The following LIMS1 variants were observed in gnomAD, a reference collection of about 807,000 sequenced individuals.
LIMS1 encodes LIM zinc finger domain containing 1, also known as LIM and senescent cell antigen-like-containing domain protein 1.
LIMS1 carries 18 observed loss-of-function variants against 44.1 expected under a neutral mutation model. That is an observed-to-expected ratio of 0.41 (90% confidence interval 0.28 to 0.61). LIMS1 has a LOEUF of 0.61. Among genes scored for constraint, LIMS1 ranks in the 20% least tolerant of loss-of-function variants. LIMS1 has a pLI of 0.32. For synonymous variants in LIMS1, 93 were observed against 149.1 expected, an observed-to-expected ratio of 0.62 and a Z score of 2.74; for missense variants, 201 against 422.0, an observed-to-expected ratio of 0.48 and a Z score of 4.59.
intron 9 of LIMS1, chr2:108,681,216 C>A (rs1252870540): frequency 3.2e-6 from 4 of 1,252,314 alleles, no homozygotes; most frequent in South Asian, 3.7e-5. Flanking sequence ...TTCTTCCCCC[C>A]CTGCAACTTT....
At chr2:108,637,099 ATGTGTG>A (rs74315160) in intron 1 of LIMS1, among the ~76,000 whole-genome samples, 5,450 of 98,484 alleles carry the variant, frequency 0.055, 129 homozygotes, top group South Asian at 0.086. Flanking sequence ...ATATACATAT[ATGTGTG>A]TGTGTGTGTG....
intron 1 of LIMS1, among the ~76,000 whole-genome samples, chr2:108,581,950 A>G (rs961307364): frequency 4.6e-5 from 7 of 150,748 alleles, no homozygotes; most frequent in Non-Finnish European, 8.9e-5. Flanking sequence ...AAAAAAAAAA[A>G]ACAAACAAAA....
exon 6 of LIMS1, chr2:108,676,005 A>G (rs529163763): frequency 4.3e-6 from 7 of 1,613,930 alleles, no homozygotes; most frequent in South Asian, 1.1e-5. Context: ...GGTGAACGCT[A>G]TGGGCAAGCA....
chr2:108,538,510 A>C (rs969440080), intron 1 of LIMS1, among the ~76,000 whole-genome samples: 4 of 152,204 alleles, frequency 2.6e-5, no homozygotes, highest in Non-Finnish European at 5.9e-5. Context: ...TGTGCTTGGC[A>C]GTGGGAGGCA....
intron 1 of LIMS1, among the ~76,000 whole-genome samples, chr2:108,595,373 T>A (rs1464878738): frequency 6.6e-6 from 1 of 152,170 alleles, no homozygotes; most frequent in African/African-American, 2.4e-5. Flanking sequence ...ACAAACTACC[T>A]TATATGGGAA....
intron 1 of LIMS1, among the ~76,000 whole-genome samples, chr2:108,612,854 T>A (rs181472648): frequency 3.7e-4 from 56 of 152,270 alleles, no homozygotes; most frequent in Non-Finnish European, 4.4e-5. Context: ...CCTGCGCCTG[T>A]CATGCACCCA....
At chr2:108,640,775 A>G (rs887427476) in intron 1 of LIMS1, among the ~76,000 whole-genome samples, 5 of 152,186 alleles carry the variant, frequency 3.3e-5, no homozygotes, top group African/African-American at 1.2e-4. Context: ...AACATTTATC[A>G]TTTCCTTGAG....
chr2:108,571,948 A>T lies in LIMS1; in HGVS notation c.32+37354A>T, dbSNP rs535561795. Among the ~76,000 whole-genome samples, 295 of 152,312 alleles carry T rather than the reference A, an allele frequency of 1.9e-3. 1 individual carries two copies. The highest frequency in any genetic ancestry group is 5.4e-3 in the Admixed American group (83 of 15,300). Reference sequence around the variant, plus strand: ...AACAGCTGTCTCTAAGCCAGGAACCATGGGCCCTTATATTTTAAAAAGGAT... The same window carrying T: ...AACAGCTGTCTCTAAGCCAGGAACCTTGGGCCCTTATATTTTAAAAAGGAT... On this transcript the variant is annotated intron_variant, in intron 1 of 9. Transcript: ENST00000544547.
intron 5 of LIMS1, among the ~76,000 whole-genome samples, chr2:108,674,719 C>CAAAA (rs59992301): frequency 4.6e-5 from 2 of 43,766 alleles, no homozygotes; most frequent in Admixed American, 7.1e-4. Context: ...AGACTCGTCT[C>CAAAA]AAAAAAAAAA....
At chr2:108,645,246 A>G (rs1182728850) in intron 1 of LIMS1, among the ~76,000 whole-genome samples, 1 of 152,192 alleles carries the variant, frequency 6.6e-6, no homozygotes, top group African/African-American at 2.4e-5. Flanking sequence ...AACCAGAGAG[A>G]AAGGTTGGGT....
At chr2:108,563,125 A>G (rs1206991308) in intron 1 of LIMS1, among the ~76,000 whole-genome samples, 2 of 152,234 alleles carry the variant, frequency 1.3e-5, no homozygotes. Context: ...ATTCCTTTTA[A>G]AACATTGTTC....
upstream of LIMS1, chr2:108,533,808 G>C (rs1449630343): frequency 6.6e-6 from 1 of 152,436 alleles, no homozygotes; most frequent in Non-Finnish European, 1.5e-5. Flanking sequence ...CTCCAAGAAA[G>C]GTTAACTTTT....
intron 1 of LIMS1, among the ~76,000 whole-genome samples, chr2:108,608,398 C>T (rs990290737): frequency 1.3e-5 from 2 of 151,724 alleles, no homozygotes; most frequent in Admixed American, 6.6e-5. Context: ...CTCCGCCTCC[C>T]GGGTTCAAGC....
intron 1 of LIMS1, among the ~76,000 whole-genome samples, chr2:108,582,947 C>G (rs531842889): frequency 8.1e-4 from 123 of 151,970 alleles, no homozygotes; most frequent in African/African-American, 2.9e-3. Flanking sequence ...ACATTTTGCC[C>G]TTAATTGTTC....
At chr2:108,559,681 C>T (rs946088533) in intron 1 of LIMS1, among the ~76,000 whole-genome samples, 4 of 152,128 alleles carry the variant, frequency 2.6e-5, no homozygotes, top group Non-Finnish European at 4.4e-5. Context: ...ATTCTGTCTT[C>T]GATGTGCTTG....
Position 108,680,969 on chromosome 2 carries a change from G to A in LIMS1, c.899+199G>A, listed in dbSNP as rs560585558. ...TATTCCTTCTTTGTCCTACTCAAAG[G>A]GATAAGTTTGTTGAAATTGACCTAA... is the stretch of plus-strand genomic sequence containing the variant. On this transcript the variant is annotated intron_variant, in intron 9 of 9. Coordinates refer to ENST00000544547, the Ensembl canonical transcript of LIMS1. The A allele has an allele frequency of 6.1e-3, 7,851 of 1,284,254 alleles. 58 individuals carry two copies. Among genetic ancestry groups the A allele is most frequent in the Non-Finnish European group, 6.2e-3 (6,092 of 989,656 alleles). 79.6% of individuals were successfully genotyped at this position (1,284,254 alleles called of 1,614,324 possible).
At chr2:108,543,301 C>T (rs747737978) in intron 1 of LIMS1, among the ~76,000 whole-genome samples, 9 of 152,122 alleles carry the variant, frequency 5.9e-5, no homozygotes, top group African/African-American at 9.7e-5. Flanking sequence ...CATGGTGGCA[C>T]GTGCCCGTAG....
At chr2:108,547,557 A>G (rs1306416078) in intron 1 of LIMS1, among the ~76,000 whole-genome samples, 1 of 152,130 alleles carries the variant, frequency 6.6e-6, no homozygotes. Context: ...TGTCCAGTTG[A>G]GATTTGTTCT....
Position 108,600,396 on chromosome 2 carries a change from G to T in LIMS1, c.33-59209G>T, listed in dbSNP as rs370582199. Among the ~76,000 whole-genome samples, 7 of 151,982 alleles carry T rather than the reference G, an allele frequency of 4.6e-5. No individual in the cohort carries two copies. The South Asian group carries it at 1.5e-3, about 32-fold the overall frequency. The stretch of plus-strand genomic sequence containing the variant: ...AATGTGATCCCATTTGTGCATTTTT[G>T]CTTTGGTTGCCTGTGCTTGTGGGGT... On this transcript the variant is annotated intron_variant, in intron 1 of 9. Transcript: ENST00000544547.
Sources: gnomAD v4.1 joint callset for allele counts (sites outside exome capture counted in the v4.1 genomes callset) on GRCh38, gnomAD v4.1.1 for gene constraint, MANE v1.5 for transcripts, NCBI Gene and HGNC (gene_info 2026-07-23, HGNC 2026-07-21) for gene names.